NOL6: variants seen among roughly 807,000 people sequenced by gnomAD.
NOL6 encodes nucleolar RNA-associated protein.
A neutral mutation model predicts 131.7 loss-of-function variants in NOL6; 33 were observed. The observed-to-expected ratio is 0.25, with a 90% CI of 0.19 to 0.33. NOL6 has a LOEUF of 0.33. Ranked by LOEUF, NOL6 falls within the 10% of genes least tolerant of loss-of-function variation. The pLI, the probability that NOL6 is intolerant of heterozygous loss-of-function variation, is 1.00. For synonymous variants in NOL6, 580 were observed against 605.7 expected (o/e 0.96, Z 0.62); for missense variants, 1,297 against 1,494.5 (o/e 0.87, Z 2.18).
Position 33,472,214 on chromosome 9 carries a change from G to C in NOL6, c.253C>G (p.Arg85Gly), listed in dbSNP as rs115808915. 2.2e-5 allele frequency: 35 copies of C among 1,614,174 alleles called. No homozygotes were observed. In the Admixed American group the frequency reaches 5.8e-4, roughly 27 times the overall value. ...CAGACACTCAACAGTACCTGTAAAC[G>C]AAGCAAGCTGGAGTGGAACAAGATC... ...TEILFHSSLL[R>G]LQVEELLKEV... The change falls in exon 2 of 26, where the codon CGT becomes GGT. Residue 85 changes from arginine to glycine, a missense_variant. Physicochemically the swap from Arg to Gly is moderately radical, Grantham distance 125. Coordinates refer to ENST00000297990, the MANE Select transcript of NOL6 (RefSeq NM_022917.5).
Position 33,472,036 on chromosome 9 carries a change from C to A in NOL6, c.346G>T (p.Val116Phe). Reference sequence around the variant, plus strand: ...TCAGGGACTGAGGGCACCCTCACAACCCGCTGGTTGACCTCCCGTAGGAAG... The same window carrying A: ...TCAGGGACTGAGGGCACCCTCACAAACCGCTGGTTGACCTCCCGTAGGAAG... ...DAFLREVNQRVVRVPSVPETE... is the reference protein window; with the variant it reads ...DAFLREVNQRFVRVPSVPETE... The change falls in exon 3 of 26, where the codon GTT becomes TTT. Residue 116 changes from valine (V) to phenylalanine (F), a missense_variant. Val to Phe is a conservative substitution (Grantham distance 50). Coordinates refer to ENST00000297990, the MANE Select transcript of NOL6 (RefSeq NM_022917.5). The A allele has an allele frequency of 6.2e-7, 1 of 1,612,732 alleles. No homozygotes were observed. Among genetic ancestry groups the A allele is most frequent in the Non-Finnish European group, 8.5e-7 (1 of 1,180,002 alleles).
chr9:33,469,168 C>G (rs747644239), intron 6 of NOL6, 39 bp downstream of exon 6: 1 of 1,614,136 alleles, frequency 6.2e-7, no homozygotes, highest in Non-Finnish European at 8.5e-7. Context: ...CCCCACACCT[C>G]TTCCCTCCAG....
rs981806019 is a variant in NOL6, at chr9:33,472,568, T to G, written c.55-156A>C. On this transcript the variant is annotated intron_variant, in intron 1 of 25. Coordinates refer to ENST00000297990, the MANE Select transcript of NOL6 (RefSeq NM_022917.5). Reference sequence around the variant, plus strand: ...TTGTAAAACTCAGGAGAATCGTTACTTGGATGAACATCACTGAGCGCTGAG... The same window carrying G: ...TTGTAAAACTCAGGAGAATCGTTACGTGGATGAACATCACTGAGCGCTGAG... 28 of 651,636 alleles carry G rather than the reference T, an allele frequency of 4.3e-5. No individual in the cohort carries two copies. In the African/African-American group the frequency reaches 4.7e-4, roughly 11 times the overall value. The allele number at this position is 651,636 out of a possible 1,614,324, so 40.4% of individuals were successfully genotyped here. A position where few individuals can be genotyped will look rare whatever the true frequency, so the allele number is the denominator to read the frequency against.
At chr9:33,469,981 G>A (rs749118863) in intron 4 of NOL6, 31 bp downstream of exon 4, 1 of 1,516,492 alleles carries the variant, frequency 6.6e-7, no homozygotes, top group South Asian at 1.3e-5. Context: ...GTCAGGTGGT[G>A]GGCCTCTATC....
At chr9:33,472,509 C>T (rs1358196661) in intron 1 of NOL6, 97 bp from the exon 2 acceptor site, 4 of 907,340 alleles carry the variant, frequency 4.4e-6, no homozygotes, top group Admixed American at 2.1e-5. Flanking sequence ...AAAGCTTCAC[C>T]TGCTCTGTCC....
At position 33,472,430 on chromosome 9, in the gene NOL6, G is replaced by A. The variant is rs2297748; in HGVS notation, c.55-18C>T. On this transcript the variant is annotated intron_variant, in intron 1 of 25. Coordinates refer to ENST00000297990, the MANE Select transcript of NOL6 (RefSeq NM_022917.5). ...TCCATCACCTGTGGCCAGTGAGGGA[G>A]AAGCCATTTTGAGGTAATAGGTATC... 9,203 of 1,605,858 alleles carry A rather than the reference G, an allele frequency of 5.7e-3. 73 individuals carry two copies. Among genetic ancestry groups the A allele is most frequent in the East Asian group, 0.042 (1,867 of 44,738 alleles).
At position 33,467,764 on chromosome 9, in the gene NOL6, AG is replaced by A; in HGVS notation, c.1528del (p.Leu510Ter). 6.2e-7 allele frequency: 1 copy of A among 1,610,878 alleles called. No individual in the cohort carries two copies. Among genetic ancestry groups the A allele is most frequent in the Non-Finnish European group, 8.5e-7 (1 of 1,178,628 alleles). ...GDYVSAALGP[L>X]TTLLEQGLGA... is the part of the protein sequence containing the mutation. Reference sequence around the variant, plus strand: ...CAGGCCCTGCTCCAGGAGGGTGGTCAGGGGGCCCAAAGCAGCTGAGACATAG... The same window carrying A: ...CAGGCCCTGCTCCAGGAGGGTGGTCAGGGGCCCAAAGCAGCTGAGACATAG... On this transcript the variant is annotated frameshift_variant, in exon 12 of 26. Transcript: ENST00000297990. LOFTEE classifies it high-confidence loss of function. This position sits in a 1 kb window ranked among gnomAD's most constrained non-coding sequence, Gnocchi z 4.4.
At chr9:33,466,517 A>C (rs776877620) in intron 16 of NOL6, 52 bp downstream of exon 16, 1 of 1,612,524 alleles carries the variant, frequency 6.2e-7, no homozygotes, top group Non-Finnish European at 8.5e-7. Context: ...GGGTGACTGG[A>C]GCAGAGGTGG....
Position 33,465,785 on chromosome 9 carries a change from C to T in NOL6, c.2477G>A (p.Arg826His), listed in dbSNP as rs369849073. The change falls in exon 19 of 26, where the codon CGC becomes CAC. Residue 826 changes from arginine to histidine, a missense_variant. By Grantham distance (29) the Arg-to-His change is conservative. Coordinates refer to ENST00000297990, the MANE Select transcript of NOL6 (RefSeq NM_022917.5). Reference sequence around the variant, plus strand: ...CAACTGCCTTGTGTCTCTCTCAAGGCGGAGGGAGGCAGCTGTGTCCCTCAG... The same window carrying T: ...CAACTGCCTTGTGTCTCTCTCAAGGTGGAGGGAGGCAGCTGTGTCCCTCAG... ...ISLRDTAASL[R>H]LERDTRQLPL... is the part of the protein sequence containing the mutation. 3.3e-5 allele frequency: 54 copies of T among 1,613,574 alleles called. 1 individual carries two copies. In the East Asian group the frequency reaches 7.4e-4, roughly 22 times the overall value.
In NOL6 at chr9:33,470,178, G is replaced by GC; in HGVS notation, c.391dup (p.Ala131GlyfsTer116). The GC allele has an allele frequency of 6.3e-7, 1 of 1,586,208 alleles. No homozygotes were observed. Among genetic ancestry groups the GC allele is most frequent in the Non-Finnish European group, 8.6e-7 (1 of 1,162,286 alleles). On this transcript the variant is annotated frameshift_variant, in exon 4 of 26. Coordinates refer to ENST00000297990, the MANE Select transcript of NOL6 (RefSeq NM_022917.5). LOFTEE classifies it high-confidence loss of function. The stretch of plus-strand genomic sequence containing the variant: ...CACTCGAACCCCAGCTGGGAGCCAT[G>GC]CCTGGTCAGTGAGCTGTGGGGGCAG...
rs761602363 is a variant in NOL6 at position 33,472,200 on chromosome 9, C to G, written c.261+6G>C. On this transcript the variant is annotated splice_donor_region_variant and intron_variant, in intron 2 of 25. Transcript: ENST00000297990. ...TCGAACAAAAGCTGCAGACACTCAA[C>G]AGTACCTGTAAACGAAGCAAGCTGG... 6.2e-7 allele frequency: 1 copy of G among 1,614,138 alleles called. No individual in the cohort carries two copies. Among genetic ancestry groups the G allele is most frequent in the Non-Finnish European group, 8.5e-7 (1 of 1,179,962 alleles).
At position 33,469,202 on chromosome 9, in the gene NOL6, C is replaced by G; in HGVS notation, c.862+5G>C. On this transcript the variant is annotated splice_donor_5th_base_variant and intron_variant, in intron 6 of 25. Transcript: ENST00000297990. ...AGCTCCACCTCAACACCAGGGCCTG[C>G]TCACCATCCCCTGCAGGACTCTGCC... 6.2e-7 allele frequency: 1 copy of G among 1,614,230 alleles called. No individual in the cohort carries two copies. Among genetic ancestry groups the G allele is most frequent in the Non-Finnish European group, 8.5e-7 (1 of 1,180,034 alleles).
chr9:33,465,515 C>T (rs1257187116), intron 19 of NOL6, among the ~76,000 whole-genome samples, 156 bp from the exon 20 acceptor site: 1 of 152,176 alleles, frequency 6.6e-6, no homozygotes, highest in Non-Finnish European at 1.5e-5. Context: ...GTGTTATTTC[C>T]ATTTTACAGA....
In NOL6 at chr9:33,463,372, G is replaced by A. The variant is rs915342074; in HGVS notation, c.3064C>T (p.His1022Tyr). 2 of 1,614,148 alleles carry A rather than the reference G, an allele frequency of 1.2e-6. No individual in the cohort carries two copies. The highest frequency in any genetic ancestry group is 1.7e-6 in the Non-Finnish European group (2 of 1,179,990). The change falls in exon 24 of 26, where the codon CAC becomes TAC. Residue 1022 changes from histidine (H) to tyrosine (Y), a missense_variant. By Grantham distance (83) the His-to-Tyr change is moderately conservative. Transcript: ENST00000297990. ...GCTGGCGAGTCCACAGCCTGGCGGT[G>A]CCGCGGGATATGGCGAGGAGACAGG... ...IRLSPRHIPR[H>Y]RQAVDSPAAS...
At chr9:33,472,988 A>G (rs78312359) in intron 1 of NOL6, among the ~76,000 whole-genome samples, 8 of 150,586 alleles carry the variant, frequency 5.3e-5, no homozygotes, top group African/African-American at 1.7e-4. Context: ...AAAAAAAAAA[A>G]GAAGCTGACT....
chr9:33,471,884 C>G, intron 3 of NOL6, 120 bp downstream of exon 3: 1 of 753,104 alleles, frequency 1.3e-6, no homozygotes, highest in South Asian at 1.5e-5. Context: ...AGCTTCCTTG[C>G]TGTGAGAATG....
intron 1 of NOL6, among the ~76,000 whole-genome samples, chr9:33,473,049 C>T (rs1827458264): frequency 1.3e-5 from 2 of 151,824 alleles, no homozygotes; most frequent in African/African-American, 2.4e-5. Flanking sequence ...AGGAAGTTTC[C>T]TCTTCTGCTG....
chr9:33,467,355 C>T lies in NOL6; in HGVS notation c.1725+39G>A, dbSNP rs749369792. 2 of 1,610,900 alleles carry T rather than the reference C, an allele frequency of 1.2e-6. No individual in the cohort carries two copies. Among genetic ancestry groups the T allele is most frequent in the East Asian group, 2.2e-5 (1 of 44,766 alleles). On this transcript the variant is annotated intron_variant, in intron 13 of 25. Coordinates refer to ENST00000297990, the MANE Select transcript of NOL6 (RefSeq NM_022917.5). The surrounding 1 kb of genome is among the most constrained non-coding windows in gnomAD (Gnocchi z 4.4). ...CAGTCCAGGTGCCATGAGGACGAGCCACCCCATTCCTTCCAGTGTACATGC... is the reference window on the plus strand; with the variant it reads ...CAGTCCAGGTGCCATGAGGACGAGCTACCCCATTCCTTCCAGTGTACATGC...
chr9:33,463,590 AC>A, intron 23 of NOL6, 149 bp from the exon 24 acceptor site: 1 of 804,340 alleles, frequency 1.2e-6, no homozygotes, highest in Non-Finnish European at 2.0e-6. Flanking sequence ...AAGCACCAAG[AC>A]CCACAGAGCA....
Sources: gnomAD v4.1 joint callset for allele counts (sites outside exome capture counted in the v4.1 genomes callset) on GRCh38, gnomAD v4.1.1 for gene constraint, Gnocchi (gnomAD v3.1) non-coding constraint, MANE v1.5 for transcripts, NCBI Gene and HGNC (gene_info 2026-07-23, HGNC 2026-07-21) for gene names.